Variants in SLC1A2 observed in about 807,000 individuals in gnomAD.
SLC1A2 encodes the protein solute carrier family 1 member 2.
SLC1A2 carries 15 observed loss-of-function variants against 48.8 expected under a neutral mutation model. The observed-to-expected ratio is 0.31, with a 90% CI of 0.21 to 0.47. SLC1A2 has a LOEUF of 0.47. Among genes scored for constraint, SLC1A2 ranks in the 20% least tolerant of loss-of-function variants. The pLI is 0.99. For synonymous variants in SLC1A2, 279 were observed against 272.6 expected (o/e 1.02, Z -0.23); for missense variants, 502 against 730.5 (o/e 0.69, Z 3.61).
In SLC1A2 at chr11:35,257,125, C is replaced by T. The variant is rs947433808; in HGVS notation, c.*3769G>A. 1 of 152,176 alleles carries T rather than the reference C, an allele frequency of 6.6e-6. No individual in the cohort carries two copies. The highest frequency in any genetic ancestry group is 1.5e-5 in the Non-Finnish European group (1 of 68,038). 9.4% of individuals were successfully genotyped at this position (152,176 alleles called of 1,614,324 possible). ...AATGAGTTTCCCAACCACTTTGCTCCAAAAGGGCTTCTTGACTAGATACAT... is the reference window on the plus strand; with the variant it reads ...AATGAGTTTCCCAACCACTTTGCTCTAAAAGGGCTTCTTGACTAGATACAT... On this transcript the variant is annotated 3_prime_UTR_variant, in exon 11 of 11. Coordinates refer to ENST00000278379, the MANE Select transcript of SLC1A2 (RefSeq NM_004171.4).
chr11:35,336,683 T>C (rs913020677), intron 1 of SLC1A2, among the ~76,000 whole-genome samples: 2 of 152,162 alleles, frequency 1.3e-5, no homozygotes, highest in African/African-American at 4.8e-5. Flanking sequence ...TAAACCTACA[T>C]TGGCCCAAAT....
intron 1 of SLC1A2, among the ~76,000 whole-genome samples, chr11:35,406,738 T>C (rs948293585): frequency 1.3e-5 from 2 of 151,710 alleles, no homozygotes; most frequent in African/African-American, 4.8e-5. Flanking sequence ...TACAGATGAG[T>C]TTGTAGGGAA....
chr11:35,349,654 T>C (rs1853170054), intron 1 of SLC1A2, among the ~76,000 whole-genome samples: 1 of 152,230 alleles, frequency 6.6e-6, no homozygotes, highest in African/African-American at 2.4e-5. Context: ...AAGTATCTAA[T>C]GAACTCAGGT....
chr11:35,322,815 T>C (rs1255651933), intron 1 of SLC1A2: 1 of 702,016 alleles, frequency 1.4e-6, no homozygotes, highest in African/African-American at 1.7e-5. Context: ...ATTTCAGCTT[T>C]GATTGTCCCA....
rs564039000 is a variant in SLC1A2, at chr11:35,355,921, G to T, written c.18-38405C>A. On this transcript the variant is annotated intron_variant, in intron 1 of 10. Transcript: ENST00000278379. The stretch of plus-strand genomic sequence containing the variant: ...AAAAAAAAAAAAATCTTAGCTGATG[G>T]TCTCCTTGAACAAGTTAGGTAACTC... 9.2e-5 allele frequency among the ~76,000 whole-genome samples: 14 copies of T among 151,878 alleles called. No individual in the cohort carries two copies. The South Asian group carries it at 1.2e-3, about 14-fold the overall frequency.
chr11:35,302,343 A>C (rs3794090), intron 5 of SLC1A2, among the ~76,000 whole-genome samples: 2 of 151,944 alleles, frequency 1.3e-5, no homozygotes, highest in East Asian at 3.9e-4. Context: ...ATGCTTTTTT[A>C]ATTTTATTTA....
intron 9 of SLC1A2, among the ~76,000 whole-genome samples, chr11:35,278,336 C>G (rs1301318885): frequency 6.9e-6 from 1 of 145,102 alleles, no homozygotes; most frequent in African/African-American, 2.6e-5. Flanking sequence ...AGTGCAATGG[C>G]ACGATCTCAG....
chr11:35,297,926 T>G (rs1414561656), intron 6 of SLC1A2: 1 of 152,216 alleles, frequency 6.6e-6, no homozygotes, highest in Non-Finnish European at 1.5e-5. Context: ...AATTATCCCA[T>G]TTTACACACC....
intron 1 of SLC1A2, among the ~76,000 whole-genome samples, chr11:35,327,538 A>G (rs997839463): frequency 2.6e-5 from 4 of 152,224 alleles, no homozygotes; most frequent in African/African-American, 9.6e-5. Context: ...TTCCATGCCC[A>G]TAACAGCAAA....
At position 35,286,956 on chromosome 11, in the gene SLC1A2, G is replaced by C. The variant is rs1275402014; in HGVS notation, c.1092-5C>G. 13 of 1,612,584 alleles carry C rather than the reference G, an allele frequency of 8.1e-6. No individual in the cohort carries two copies. The highest frequency in any genetic ancestry group is 8.5e-6 in the Non-Finnish European group (10 of 1,178,736). ...GTGACAGGCAAAGTTCCAGCACTGA[G>C]AACAAAGAGAAAGAGAGAGACAGGG... On this transcript the variant is annotated splice_polypyrimidine_tract_variant and splice_region_variant and intron_variant, in intron 7 of 10. Transcript: ENST00000278379.
In SLC1A2 at chr11:35,259,534, T is replaced by G. The variant is rs773486788; in HGVS notation, c.*1360A>C. ...GCCTACTGCATGCAAGGCACTGTGC[T>G]ACACCAATTATATTATTTATTCCTT... is the stretch of plus-strand genomic sequence containing the variant. On this transcript the variant is annotated 3_prime_UTR_variant, in exon 11 of 11. Transcript: ENST00000278379. The G allele has an allele frequency of 2.0e-5, 3 of 152,422 alleles. No individual in the cohort carries two copies. Among genetic ancestry groups the G allele is most frequent in the Admixed American group, 6.5e-5 (1 of 15,282 alleles). 9.4% of individuals were successfully genotyped at this position (152,422 alleles called of 1,614,324 possible). A position where few individuals can be genotyped will look rare whatever the true frequency, so the allele number is the denominator to read the frequency against.
chr11:35,378,849 C>A (rs938817712), intron 1 of SLC1A2, among the ~76,000 whole-genome samples: 4 of 152,150 alleles, frequency 2.6e-5, no homozygotes, highest in African/African-American at 7.2e-5. Flanking sequence ...ATAGCCAATG[C>A]GGCTAAATGT....
intron 1 of SLC1A2, among the ~76,000 whole-genome samples, chr11:35,326,307 T>C (rs1443171912): frequency 6.6e-6 from 1 of 152,156 alleles, no homozygotes; most frequent in Non-Finnish European, 1.5e-5. Flanking sequence ...TGAGTACTCA[T>C]TCCCCTTCCA....
intron 1 of SLC1A2, among the ~76,000 whole-genome samples, chr11:35,406,387 CA>C (rs921762750): frequency 4.6e-5 from 7 of 151,880 alleles, no homozygotes; most frequent in Non-Finnish European, 1.0e-4. Flanking sequence ...AGGAAGCAAA[CA>C]AGGGGAATGA....
rs538929061 is a variant in SLC1A2, at chr11:35,382,561, C to T, written c.17+36389G>A. The stretch of plus-strand genomic sequence containing the variant: ...CTATAATCCCAGCACTTTGGGAGGC[C>T]GAGGTGGGTGGATCACTTGAGCTCA... On this transcript the variant is annotated intron_variant, in intron 1 of 10. Coordinates refer to ENST00000278379, the MANE Select transcript of SLC1A2 (RefSeq NM_004171.4). 4.0e-4 allele frequency among the ~76,000 whole-genome samples: 61 copies of T among 152,316 alleles called. 1 individual carries two copies. The highest frequency in any genetic ancestry group is 1.4e-3 in the African/African-American group (60 of 41,568).
At chr11:35,341,286 T>A (rs1230532042) in intron 1 of SLC1A2, among the ~76,000 whole-genome samples, 1 of 152,042 alleles carries the variant, frequency 6.6e-6, no homozygotes, top group Non-Finnish European at 1.5e-5. Flanking sequence ...TGAACTTGGG[T>A]TGGCGCACCT....
At chr11:35,321,719 G>A (rs771204864) in intron 1 of SLC1A2, among the ~76,000 whole-genome samples, 14 of 152,174 alleles carry the variant, frequency 9.2e-5, no homozygotes, top group Non-Finnish European at 1.9e-4. Flanking sequence ...ACAACAGCCA[G>A]CAGGTTTGCT....
chr11:35,269,705 T>C (rs1395220340), intron 9 of SLC1A2, among the ~76,000 whole-genome samples: 1 of 152,184 alleles, frequency 6.6e-6, no homozygotes, highest in East Asian at 1.9e-4. Flanking sequence ...TTTTTTCTTT[T>C]TACCACCACA....
chr11:35,312,556 T>G, intron 3 of SLC1A2, 108 bp from the exon 4 acceptor site: 1 of 1,280,330 alleles, frequency 7.8e-7, no homozygotes, highest in Non-Finnish European at 1.1e-6. Context: ...GTGTTAATGG[T>G]TGATTAAATC....
Sources: gnomAD v4.1 joint callset for allele counts (sites outside exome capture counted in the v4.1 genomes callset) on GRCh38, gnomAD v4.1.1 for gene constraint, MANE v1.5 for transcripts, NCBI Gene and HGNC (gene_info 2026-07-23, HGNC 2026-07-21) for gene names.